The following MEIS1 variants were observed in gnomAD, a reference collection of about 807,000 sequenced individuals.
MEIS1 encodes Meis homeobox 1.
In MEIS1, 5 loss-of-function variants were observed where a neutral mutation model predicts 50.8. The observed-to-expected ratio is 0.10, with a 90% CI of 0.05 to 0.21. MEIS1 has a LOEUF of 0.21. Ranked by LOEUF, MEIS1 falls within the 10% of genes least tolerant of loss-of-function variation. The pLI is 1.00. For synonymous variants in MEIS1, 176 were observed against 179.3 expected (o/e 0.98, Z 0.15); for missense variants, 318 against 517.3 (o/e 0.61, Z 3.74).
rs564783094 is a variant in MEIS1 at position 66,572,879 on chromosome 2, C to T, written c.*1671C>T. Reference sequence around the variant, plus strand: ...CATATATGTATTTGACAATTTTAACCGCAAAGTAAGTTGTTTAATAATAAC... The same window carrying T: ...CATATATGTATTTGACAATTTTAACTGCAAAGTAAGTTGTTTAATAATAAC... On this transcript the variant is annotated 3_prime_UTR_variant, in exon 13 of 13. Coordinates refer to ENST00000272369, the MANE Select transcript of MEIS1 (RefSeq NM_002398.3). 1.1e-4 allele frequency: 16 copies of T among 152,122 alleles called. No homozygotes were observed. The South Asian group carries it at 2.7e-3, about 26-fold the overall frequency. The allele number at this position is 152,122 out of a possible 1,614,324, so 9.4% of individuals were successfully genotyped here. A position where few individuals can be genotyped will look rare whatever the true frequency, so the allele number is the denominator to read the frequency against.
chr2:66,439,922 G>A lies in MEIS1; in HGVS notation c.319G>A (p.Ala107Thr). 3 of 1,613,730 alleles carry A rather than the reference G, an allele frequency of 1.9e-6. No individual in the cohort carries two copies. The highest frequency in any genetic ancestry group is 2.5e-6 in the Non-Finnish European group (3 of 1,179,810). ...TTGTACCCCCCGCGAGCCGGGGGTG[G>A]CGGGCGGGGACGTCTGCTCGTCAGA... ...ATCTPREPGV[A>T]GGDVCSSESF... The change falls in exon 3 of 13, where the codon GCG (alanine) becomes ACG (threonine). Residue 107 changes from alanine (A) to threonine (T), a missense_variant. Physicochemically the swap from Ala to Thr is moderately conservative, Grantham distance 58 (BLOSUM62 0). Transcript: ENST00000272369.
intron 8 of MEIS1, among the ~76,000 whole-genome samples, chr2:66,541,176 T>C (rs1316589857): frequency 6.6e-6 from 1 of 152,068 alleles, no homozygotes; most frequent in Non-Finnish European, 1.5e-5. Flanking sequence ...TAGCTGGGAC[T>C]ACAGGTGCCC....
intron 7 of MEIS1, among the ~76,000 whole-genome samples, chr2:66,475,795 GT>G (rs2103772555): frequency 6.6e-6 from 1 of 152,326 alleles, no homozygotes; most frequent in Admixed American, 6.5e-5. Flanking sequence ...CAATGCTGCA[GT>G]TATAATAATT....
At chr2:66,445,130 C>T (rs1476307174) in intron 6 of MEIS1, 1 of 152,184 alleles carries the variant, frequency 6.6e-6, no homozygotes, top group Non-Finnish European at 1.5e-5. Context: ...ATTTTATTGT[C>T]TTCTACCTCT....
chr2:66,442,523 A>AT (rs1449064440), intron 5 of MEIS1, among the ~76,000 whole-genome samples: 1 of 152,096 alleles, frequency 6.6e-6, no homozygotes, highest in Non-Finnish European at 1.5e-5. Flanking sequence ...ACACGTATAC[A>AT]TTTTTTTCTT....
intron 7 of MEIS1, among the ~76,000 whole-genome samples, chr2:66,488,963 A>G (rs1046626813): frequency 1.3e-5 from 2 of 152,216 alleles, no homozygotes; most frequent in Non-Finnish European, 2.9e-5. Flanking sequence ...TATGTTTTCT[A>G]AGTTAATTCT....
chr2:66,515,626 A>C (rs1673946925), intron 8 of MEIS1, among the ~76,000 whole-genome samples: 1 of 152,198 alleles, frequency 6.6e-6, no homozygotes, highest in Admixed American at 6.5e-5. Flanking sequence ...AACGAGTTTT[A>C]AACTTTGGTG....
intron 8 of MEIS1, among the ~76,000 whole-genome samples, chr2:66,517,954 T>C (rs935888357): frequency 1.3e-5 from 2 of 152,206 alleles, no homozygotes; most frequent in African/African-American, 4.8e-5. Context: ...TTAATACTAA[T>C]GATCATTGTG....
At chr2:66,468,155 G>A (rs139887827) in intron 7 of MEIS1, among the ~76,000 whole-genome samples, 3,150 of 152,266 alleles carry the variant, frequency 0.021, 42 homozygotes, top group Middle Eastern at 0.075. Flanking sequence ...TCATAGGTAC[G>A]GGAGGTACAT....
At chr2:66,473,392 A>AT in intron 7 of MEIS1, among the ~76,000 whole-genome samples, 1 of 138,432 alleles carries the variant, frequency 7.2e-6, no homozygotes, top group African/African-American at 3.0e-5. Flanking sequence ...AAAAAAAAAA[A>AT]AAAAAATATA....
chr2:66,502,237 C>A (rs948575055), intron 7 of MEIS1, among the ~76,000 whole-genome samples: 3 of 152,162 alleles, frequency 2.0e-5, no homozygotes, highest in South Asian at 2.1e-4. Flanking sequence ...CATGGCTTCC[C>A]AAATATAGGC....
chr2:66,535,448 GTCTTGT>G (rs1371250901), intron 8 of MEIS1, among the ~76,000 whole-genome samples: 2 of 152,170 alleles, frequency 1.3e-5, no homozygotes, highest in African/African-American at 4.8e-5. Flanking sequence ...TTATCTCACA[GTCTTGT>G]TGGTGACAGG....
intron 7 of MEIS1, among the ~76,000 whole-genome samples, chr2:66,474,520 GC>G (rs1366378232): frequency 2.0e-5 from 3 of 152,094 alleles, no homozygotes; most frequent in Admixed American, 6.6e-5. Context: ...TTGGCTGTTG[GC>G]CTAGCAAAAA....
At chr2:66,505,614 GT>G (rs1673668127) in intron 7 of MEIS1, among the ~76,000 whole-genome samples, 1 of 152,122 alleles carries the variant, frequency 6.6e-6, no homozygotes, top group South Asian at 2.1e-4. Flanking sequence ...CTCAGCTATG[GT>G]AAACCTGGGA....
chr2:66,435,454 G>A lies in MEIS1; in HGVS notation c.-403G>A. The A allele has an allele frequency of 3.2e-6, 1 of 316,356 alleles. No individual in the cohort carries two copies. The highest frequency in any genetic ancestry group is 5.7e-6 in the Non-Finnish European group (1 of 176,580). The allele number at this position is 316,356 out of a possible 1,614,324, so 19.6% of individuals were successfully genotyped here. On this transcript the variant is annotated 5_prime_UTR_variant, in exon 1 of 13. Transcript: ENST00000272369. ...GAGCGGATGATCATTCATTCACCAC[G>A]TTGACAACCTCGCCTGTGATTGACA...
At chr2:66,565,470 G>A (rs1675324653) in intron 9 of MEIS1, among the ~76,000 whole-genome samples, 1 of 152,160 alleles carries the variant, frequency 6.6e-6, no homozygotes, top group Non-Finnish European at 1.5e-5. Context: ...GGATATTCTA[G>A]ATGAGTGGCA....
chr2:66,526,303 T>G (rs1257738276), intron 8 of MEIS1, among the ~76,000 whole-genome samples: 1 of 152,182 alleles, frequency 6.6e-6, no homozygotes, highest in African/African-American at 2.4e-5. Flanking sequence ...TCTAAGTCAT[T>G]GAGGATCAAA....
intron 7 of MEIS1, among the ~76,000 whole-genome samples, chr2:66,502,261 A>C (rs1449407492): frequency 6.6e-6 from 1 of 152,170 alleles, no homozygotes; most frequent in East Asian, 1.9e-4. Context: ...GGTAAATGGC[A>C]GGGATTGTGA....
chr2:66,555,305 C>T (rs1247445610), intron 9 of MEIS1, among the ~76,000 whole-genome samples: 3 of 145,714 alleles, frequency 2.1e-5, no homozygotes, highest in South Asian at 4.6e-4. Flanking sequence ...CCCAAACCCC[C>T]CTCCCTCTTT....
Sources: gnomAD v4.1 joint callset for allele counts (sites outside exome capture counted in the v4.1 genomes callset) on GRCh38, gnomAD v4.1.1 for gene constraint, MANE v1.5 for transcripts, NCBI Gene and HGNC (gene_info 2026-07-23, HGNC 2026-07-21) for gene names.